The following DTNB variants were observed in gnomAD, a reference collection of about 807,000 sequenced individuals.
DTNB encodes the protein dystrobrevin beta, also known as DTN-B.
A neutral mutation model predicts 90.7 loss-of-function variants in DTNB; 63 were observed. The observed-to-expected ratio is 0.69, with a 90% CI of 0.57 to 0.86. DTNB has a LOEUF of 0.86. Among genes scored for constraint, DTNB ranks in the 40% least tolerant of loss-of-function variants. The pLI is 0.00. For synonymous variants in DTNB, 277 were observed against 286.7 expected (o/e 0.97, Z 0.34); for missense variants, 744 against 807.1 (o/e 0.92, Z 0.95).
At chr2:25,671,990 C>T (rs936689621) in intron 1 of DTNB, among the ~76,000 whole-genome samples, 6 of 152,024 alleles carry the variant, frequency 3.9e-5, no homozygotes, top group Admixed American at 3.9e-4. Context: ...CTCTAGACAA[C>T]ACTACCCTCT....
chr2:25,572,796 C>T (rs567429770), intron 8 of DTNB, among the ~76,000 whole-genome samples: 18 of 152,176 alleles, frequency 1.2e-4, no homozygotes, highest in African/African-American at 3.1e-4. Context: ...CAGTTGATTC[C>T]ATGTGCCAGT....
intron 12 of DTNB, among the ~76,000 whole-genome samples, chr2:25,446,143 C>T (rs915597184): frequency 2.6e-5 from 4 of 152,236 alleles, no homozygotes; most frequent in East Asian, 3.9e-4. Context: ...GACAGTTCAT[C>T]TAGTTCCTTT....
intron 2 of DTNB, among the ~76,000 whole-genome samples, chr2:25,642,619 C>T (rs931996265): frequency 1.9e-4 from 28 of 151,282 alleles, no homozygotes; most frequent in Admixed American, 1.6e-3. Flanking sequence ...ACTATGTTGC[C>T]CAGGCTGGTC....
intron 3 of DTNB, among the ~76,000 whole-genome samples, chr2:25,636,164 T>A (rs1307556791): frequency 6.6e-6 from 1 of 152,170 alleles, no homozygotes; most frequent in Non-Finnish European, 1.5e-5. Context: ...CTTGTACAGA[T>A]TCATGAATAT....
chr2:25,488,852 T>C (rs2066756189), intron 9 of DTNB, among the ~76,000 whole-genome samples: 1 of 152,224 alleles, frequency 6.6e-6, no homozygotes, highest in South Asian at 2.1e-4. Flanking sequence ...GGTTTCGCCA[T>C]GTTGGCCAGG....
At chr2:25,428,014 G>A (rs1313369615) in intron 14 of DTNB, 1 of 161,670 alleles carries the variant, frequency 6.2e-6, no homozygotes, top group African/African-American at 2.4e-5. Flanking sequence ...CCAGTAGTAA[G>A]TACTTTCAGC....
At chr2:25,384,889 T>C (rs6761076) in intron 18 of DTNB, among the ~76,000 whole-genome samples, 38,019 of 151,798 alleles carry the variant, frequency 0.25, 5,510 homozygotes, top group East Asian at 0.6. Flanking sequence ...CTTTTCTTTT[T>C]TTTTTTTTGA....
chr2:25,553,293 A>T (rs1238077987), intron 8 of DTNB, among the ~76,000 whole-genome samples: 1 of 152,190 alleles, frequency 6.6e-6, no homozygotes, highest in Non-Finnish European at 1.5e-5. Flanking sequence ...AGGCTTCAAA[A>T]TAACTGCAAT....
intron 16 of DTNB, among the ~76,000 whole-genome samples, chr2:25,389,323 C>T (rs948653860): frequency 5.9e-5 from 9 of 152,232 alleles, no homozygotes; most frequent in Admixed American, 3.3e-4. Flanking sequence ...TGAGCATGTG[C>T]GGAGCTCGGC....
chr2:25,383,703 G>GT (rs1425631119), intron 19 of DTNB, 133 bp downstream of exon 19: 3 of 1,573,796 alleles, frequency 1.9e-6, no homozygotes, highest in Non-Finnish European at 2.6e-6. Context: ...GGAAAAGTAG[G>GT]TACAGGGACC....
At chr2:25,458,691 C>A (rs1183674000) in intron 10 of DTNB, among the ~76,000 whole-genome samples, 5 of 152,118 alleles carry the variant, frequency 3.3e-5, no homozygotes, top group African/African-American at 1.2e-4. Context: ...GTCGCCCAGG[C>A]TGGAGTGCAG....
intron 8 of DTNB, among the ~76,000 whole-genome samples, chr2:25,533,859 G>T (rs1018857493): frequency 6.6e-6 from 1 of 152,050 alleles, no homozygotes; most frequent in African/African-American, 2.4e-5. Context: ...TGCCTTTCCA[G>T]GCTACCCATT....
intron 14 of DTNB, among the ~76,000 whole-genome samples, chr2:25,431,732 C>T (rs2053916985): frequency 6.6e-6 from 1 of 152,142 alleles, no homozygotes; most frequent in South Asian, 2.1e-4. Flanking sequence ...AGGCACTAGA[C>T]AACAGGTGCA....
chr2:25,407,235 C>A (rs762784314), intron 16 of DTNB, among the ~76,000 whole-genome samples: 10 of 152,206 alleles, frequency 6.6e-5, no homozygotes, highest in Non-Finnish European at 1.2e-4. Context: ...CACCTTACCC[C>A]TGCAAGAATC....
At chr2:25,393,885 G>GA (rs1166647478) in intron 16 of DTNB, among the ~76,000 whole-genome samples, 1 of 152,002 alleles carries the variant, frequency 6.6e-6, no homozygotes, top group Non-Finnish European at 1.5e-5. Flanking sequence ...CACAGGACTA[G>GA]AAAAAACAAC....
At chr2:25,647,701 C>G (rs1363196924) in intron 2 of DTNB, among the ~76,000 whole-genome samples, 3 of 151,930 alleles carry the variant, frequency 2.0e-5, no homozygotes, top group Admixed American at 6.6e-5. Context: ...AGAGCAATAC[C>G]CTGTCTCTAT....
intron 3 of DTNB, among the ~76,000 whole-genome samples, chr2:25,633,943 C>A (rs576426233): frequency 6.6e-6 from 1 of 151,722 alleles, no homozygotes; most frequent in Non-Finnish European, 1.5e-5. Flanking sequence ...TGGCAACCGC[C>A]CCGTCTGAGA....
intron 9 of DTNB, among the ~76,000 whole-genome samples, chr2:25,514,445 C>T (rs573888278): frequency 5.3e-5 from 8 of 152,064 alleles, no homozygotes; most frequent in South Asian, 4.2e-4. Context: ...GTATAGACTT[C>T]GGCTTTTAAG....
chr2:25,664,692 G>C (rs1406650447), intron 1 of DTNB, among the ~76,000 whole-genome samples: 1 of 152,188 alleles, frequency 6.6e-6, no homozygotes, highest in East Asian at 1.9e-4. Flanking sequence ...CTTTTTAAAA[G>C]TAGGTGAGAA....
Sources: gnomAD v4.1 joint callset for allele counts (sites outside exome capture counted in the v4.1 genomes callset) on GRCh38, gnomAD v4.1.1 for gene constraint, MANE v1.5 for transcripts, NCBI Gene and HGNC (gene_info 2026-07-23, HGNC 2026-07-21) for gene names.